CDC34: variants seen among roughly 807,000 people sequenced by gnomAD.
The protein encoded by CDC34 is cell division cycle 34, ubiquitin conjugating enzyme, also known as ubiquitin-conjugating enzyme E2 R1.
Under a neutral mutation model 26.8 loss-of-function variants are expected in CDC34, and 18 were observed. The ratio of observed to expected loss-of-function variants is 0.67; its 90% CI spans 0.47 to 1.00. The LOEUF is 1.00. Among genes scored for constraint, CDC34 ranks in the 50% least tolerant of loss-of-function variants. The pLI is 0.00. For synonymous variants in CDC34, 178 were observed against 147.5 expected (o/e 1.21, Z -1.50); for missense variants, 280 against 334.5 (o/e 0.84, Z 1.27).
At chr19:541,175 C>T in intron 4 of CDC34, 164 bp from the exon 5 acceptor site, 1 of 881,206 alleles carries the variant, frequency 1.1e-6, no homozygotes, top group Non-Finnish European at 1.6e-6. Context: ...GTCATTTCTC[C>T]CCCTGGAGTT....
intron 4 of CDC34, among the ~76,000 whole-genome samples, chr19:539,740 G>T (rs1052565400): frequency 2.0e-5 from 3 of 152,216 alleles, no homozygotes; most frequent in African/African-American, 7.2e-5. Context: ...CTGTCAAATG[G>T]GGTCAGCGTG....
intron 4 of CDC34, among the ~76,000 whole-genome samples, chr19:539,227 C>G (rs1232815350): frequency 6.6e-6 from 1 of 152,166 alleles, no homozygotes; most frequent in Non-Finnish European, 1.5e-5. Flanking sequence ...AGACCGTCCT[C>G]CAGCTCATGC....
At chr19:541,177 C>T (rs897394592) in intron 4 of CDC34, 162 bp from the exon 5 acceptor site, 2 of 904,488 alleles carry the variant, frequency 2.2e-6, no homozygotes, top group African/African-American at 3.4e-5. Flanking sequence ...CATTTCTCCC[C>T]CTGGAGTTCC....
chr19:534,416 A>T (rs1979634222), intron 1 of CDC34, among the ~76,000 whole-genome samples: 1 of 138,172 alleles, frequency 7.2e-6, no homozygotes, highest in South Asian at 2.4e-4. Context: ...AAGACCCCCG[A>T]GTACCCTCCC....
At chr19:541,209 A>T in intron 4 of CDC34, 130 bp from the exon 5 acceptor site, 1 of 1,213,612 alleles carries the variant, frequency 8.2e-7, no homozygotes, top group Non-Finnish European at 1.1e-6. Flanking sequence ...GCTTTGTCCT[A>T]AGTGGTCGCC....
intron 4 of CDC34, 34 bp from the exon 5 acceptor site, chr19:541,305 G>A (rs780166131): frequency 2.3e-5 from 34 of 1,504,226 alleles, no homozygotes; most frequent in Non-Finnish European, 2.8e-5. Context: ...GTCCAGGCAC[G>A]TGGGTGGCGC....
intron 1 of CDC34, among the ~76,000 whole-genome samples, chr19:535,636 G>A (rs561522177): frequency 2.0e-5 from 3 of 152,360 alleles, no homozygotes; most frequent in Admixed American, 6.5e-5. Context: ...ATCAGCTCGG[G>A]TGACTCAGAA....
Position 541,703 on chromosome 19 carries a change from G to A in CDC34, c.*151G>A, listed in dbSNP as rs537447531. 7 of 832,822 alleles carry A rather than the reference G, an allele frequency of 8.4e-6. No homozygotes were observed. The African/African-American group carries it at 1.0e-4, about 12-fold the overall frequency. 51.6% of individuals were successfully genotyped at this position (832,822 alleles called of 1,614,324 possible). ...TTTCTCCCTCCCCATGTCTGTTCTG[G>A]GTTTTCACGTGCTTCAGAGAAGAGG... On this transcript the variant is annotated 3_prime_UTR_variant, in exon 5 of 5. Coordinates refer to ENST00000215574, the MANE Select transcript of CDC34 (RefSeq NM_004359.2).
At chr19:539,787 T>C (rs1001201894) in intron 4 of CDC34, among the ~76,000 whole-genome samples, 1 of 152,304 alleles carries the variant, frequency 6.6e-6, no homozygotes, top group East Asian at 1.9e-4. Flanking sequence ...GGAAGCCCCT[T>C]TGCTTCCAGT....
intron 1 of CDC34, among the ~76,000 whole-genome samples, chr19:532,560 C>T (rs1315373821): frequency 6.6e-6 from 1 of 152,156 alleles, no homozygotes; most frequent in Non-Finnish European, 1.5e-5. Context: ...CCGGAGGAGA[C>T]AAAGAGGCCC....
chr19:539,034 A>G, intron 4 of CDC34: 1 of 982,104 alleles, frequency 1.0e-6, no homozygotes, highest in Non-Finnish European at 1.2e-6. Flanking sequence ...TTATCCCTCA[A>G]AACTCCCTGT....
intron 1 of CDC34, among the ~76,000 whole-genome samples, chr19:532,689 C>G (rs757697968): frequency 6.6e-6 from 1 of 152,282 alleles, no homozygotes; most frequent in Non-Finnish European, 1.5e-5. Flanking sequence ...CCGGATGAGC[C>G]TTGGCAGCCA....
chr19:540,007 C>G (rs1350587851), intron 4 of CDC34, among the ~76,000 whole-genome samples: 1 of 149,288 alleles, frequency 6.7e-6, no homozygotes, highest in Non-Finnish European at 1.5e-5. Context: ...TGGCCAGGCC[C>G]CCAGGTTTAG....
intron 3 of CDC34, chr19:536,783 G>A (rs775382023): frequency 7.9e-5 from 46 of 582,298 alleles, no homozygotes; most frequent in African/African-American, 9.3e-5. Context: ...CGGGTCTGAC[G>A]GAGGGGTCTG....
intron 1 of CDC34, among the ~76,000 whole-genome samples, chr19:533,530 G>A (rs1025257427): frequency 1.3e-4 from 20 of 152,258 alleles, no homozygotes; most frequent in Non-Finnish European, 1.5e-5. Flanking sequence ...TTGCCAAATG[G>A]TTTTAGCAGC....
chr19:541,666 T>C lies in CDC34; in HGVS notation c.*114T>C. On this transcript the variant is annotated 3_prime_UTR_variant, in exon 5 of 5. Coordinates refer to ENST00000215574, the MANE Select transcript of CDC34 (RefSeq NM_004359.2). ...CTGGTCCCCGTCTCCTCTGGTTGTT[T>C]CGTTTTGGCTTTTTCTCCCTCCCCA... 2 of 1,283,436 alleles carry C rather than the reference T, an allele frequency of 1.6e-6. No individual in the cohort carries two copies. The highest frequency in any genetic ancestry group is 2.1e-6 in the Non-Finnish European group (2 of 959,322). The allele number at this position is 1,283,436 out of a possible 1,614,324, so 79.5% of individuals were successfully genotyped here.
Position 531,921 on chromosome 19 carries a change from C to A in CDC34, c.-11C>A, listed in dbSNP as rs1309435780. The A allele has an allele frequency of 7.1e-7, 1 of 1,411,384 alleles. No homozygotes were observed. The highest frequency in any genetic ancestry group is 1.6e-5 in the South Asian group (1 of 63,694). The allele number at this position is 1,411,384 out of a possible 1,614,324, so 87.4% of individuals were successfully genotyped here. On this transcript the variant is annotated 5_prime_UTR_variant, in exon 1 of 5. Transcript: ENST00000215574. ...CGCGCTGCTCCGACCCCGGGCCCCT[C>A]CGCCGCCGCCATGGCTCGGCCGCTA...
In CDC34 at chr19:541,771, G is replaced by A. The variant is rs16990654; in HGVS notation, c.*219G>A. On this transcript the variant is annotated 3_prime_UTR_variant, in exon 5 of 5. Transcript: ENST00000215574. ...TCACGTCACTCGGGGCTCGGTGGAC[G>A]GGCCCAGGGTGGGAGCGGCCGGCCC... The A allele has an allele frequency of 1.7e-3, 757 of 432,796 alleles. 18 individuals carry two copies. The East Asian group carries it at 0.027, about 15-fold the overall frequency. 26.8% of individuals were successfully genotyped at this position (432,796 alleles called of 1,614,324 possible). A position where few individuals can be genotyped will look rare whatever the true frequency, so the allele number is the denominator to read the frequency against.
At chr19:536,143 C>T (rs965425100) in intron 2 of CDC34, 100 bp from the exon 3 acceptor site, 1 of 1,026,720 alleles carries the variant, frequency 9.7e-7, no homozygotes, top group African/African-American at 1.6e-5. Flanking sequence ...CGCTGGGAGC[C>T]TCACGTCCTC....
Sources: allele counts gnomAD v4.1 joint callset (sites outside exome capture counted in the v4.1 genomes callset), GRCh38; gene constraint gnomAD v4.1.1; transcripts MANE v1.5; gene names NCBI Gene and HGNC (gene_info 2026-07-23, HGNC 2026-07-21).